Variants in ROCK2 observed in about 807,000 individuals in gnomAD.
The protein encoded by ROCK2 is rho-associated protein kinase 2.
ROCK2 carries 61 observed loss-of-function variants against 195.1 expected under a neutral mutation model. That is an observed-to-expected ratio of 0.31 (90% CI 0.25 to 0.39). The LOEUF is 0.39. Ranked by LOEUF, ROCK2 falls within the 10% of genes least tolerant of loss-of-function variation. The pLI is 1.00. For synonymous variants in ROCK2, 504 were observed against 545.5 expected, an observed-to-expected ratio of 0.92 and a Z score of 1.06; for missense variants, 1,109 against 1,637.4, an observed-to-expected ratio of 0.68 and a Z score of 5.57.
At chr2:11,216,010 T>C in intron 13 of ROCK2, 148 bp downstream of exon 13, 1 of 650,522 alleles carries the variant, frequency 1.5e-6, no homozygotes, top group African/African-American at 1.8e-5. Flanking sequence ...TATAACATGA[T>C]TTCCCTATAA....
chr2:11,297,619 A>G (rs1333338136), intron 1 of ROCK2, among the ~76,000 whole-genome samples: 1 of 152,144 alleles, frequency 6.6e-6, no homozygotes, highest in African/African-American at 2.4e-5. Context: ...GAGAAAAACT[A>G]ACTTTTTTTT....
At chr2:11,214,779 A>G in intron 16 of ROCK2, 61 bp downstream of exon 16, 5 of 1,461,780 alleles carry the variant, frequency 3.4e-6, no homozygotes, top group African/African-American at 1.4e-5. Flanking sequence ...TCCATCATCT[A>G]AAGTTATTTT....
At chr2:11,306,951 C>T (rs1667877007) in intron 1 of ROCK2, among the ~76,000 whole-genome samples, 1 of 152,066 alleles carries the variant, frequency 6.6e-6, no homozygotes, top group South Asian at 2.1e-4. Context: ...AGCAGGTTTT[C>T]TTGGGGGAAA....
chr2:11,239,648 G>T (rs1036975243), intron 4 of ROCK2, among the ~76,000 whole-genome samples: 1 of 152,196 alleles, frequency 6.6e-6, no homozygotes, highest in Admixed American at 6.5e-5. Context: ...ACCGGTAAAT[G>T]AGCAAATAAC....
chr2:11,224,167 C>A (rs1161673911), intron 7 of ROCK2, among the ~76,000 whole-genome samples, 155 bp downstream of exon 7: 1 of 152,146 alleles, frequency 6.6e-6, no homozygotes, highest in Admixed American at 6.6e-5. Context: ...TAGCCCAACA[C>A]CAGGCTTAGC....
chr2:11,251,992 C>A (rs1353908527), intron 3 of ROCK2, among the ~76,000 whole-genome samples: 1 of 152,044 alleles, frequency 6.6e-6, no homozygotes, highest in African/African-American at 2.4e-5. Context: ...GAATGGCAAT[C>A]ATTAAAAAGT....
chr2:11,224,258 A>G (rs2148079724), intron 7 of ROCK2, 64 bp downstream of exon 7: 1 of 1,425,722 alleles, frequency 7.0e-7, no homozygotes, highest in African/African-American at 1.4e-5. Context: ...TAAGCTAGGC[A>G]TGCTTTTATT....
chr2:11,328,943 G>A (rs1383790962), intron 1 of ROCK2, among the ~76,000 whole-genome samples: 3 of 151,110 alleles, frequency 2.0e-5, no homozygotes, highest in Non-Finnish European at 4.4e-5. Flanking sequence ...GGGAGGGATA[G>A]CATTAGGAGA....
chr2:11,241,042 A>T (rs1665410023), intron 4 of ROCK2, among the ~76,000 whole-genome samples: 1 of 152,226 alleles, frequency 6.6e-6, no homozygotes, highest in Non-Finnish European at 1.5e-5. Flanking sequence ...TTTTATTTAT[A>T]AGAGAGAAAA....
chr2:11,313,210 G>C (rs1668090403), intron 1 of ROCK2, among the ~76,000 whole-genome samples: 1 of 152,034 alleles, frequency 6.6e-6, no homozygotes, highest in African/African-American at 2.4e-5. Flanking sequence ...TAACAGAAAC[G>C]GAAGGGGATG....
At chr2:11,330,468 A>G (rs1383074967) in intron 1 of ROCK2, among the ~76,000 whole-genome samples, 1 of 152,190 alleles carries the variant, frequency 6.6e-6, no homozygotes, top group Non-Finnish European at 1.5e-5. Context: ...TTTAATATAC[A>G]AAATACTTTT....
intron 1 of ROCK2, among the ~76,000 whole-genome samples, chr2:11,292,894 G>A (rs1667403840): frequency 6.6e-6 from 1 of 152,180 alleles, no homozygotes; most frequent in Non-Finnish European, 1.5e-5. Context: ...ATGATAGTGA[G>A]TGAGTACTCA....
At chr2:11,316,991 C>T (rs1668212371) in intron 1 of ROCK2, among the ~76,000 whole-genome samples, 1 of 152,106 alleles carries the variant, frequency 6.6e-6, no homozygotes, top group Non-Finnish European at 1.5e-5. Context: ...GATACCAGCA[C>T]AGTTAAGAAG....
chr2:11,265,505 C>T (rs1666382087), intron 3 of ROCK2, among the ~76,000 whole-genome samples: 1 of 152,012 alleles, frequency 6.6e-6, no homozygotes, highest in Non-Finnish European at 1.5e-5. Context: ...AATATAAATA[C>T]CCACTGAAAA....
intron 4 of ROCK2, among the ~76,000 whole-genome samples, chr2:11,245,521 A>G (rs1572297094): frequency 1.3e-5 from 2 of 152,196 alleles, no homozygotes; most frequent in African/African-American, 4.8e-5. Flanking sequence ...TAACAAAGCA[A>G]TCTGGTGCTA....
intron 3 of ROCK2, among the ~76,000 whole-genome samples, chr2:11,280,623 T>C (rs1341088442): frequency 2.0e-5 from 3 of 152,032 alleles, no homozygotes; most frequent in Admixed American, 2.0e-4. Flanking sequence ...GAGCAAGAAC[T>C]TGTCTCAGTG....
intron 3 of ROCK2, among the ~76,000 whole-genome samples, chr2:11,252,175 C>G (rs943035293): frequency 1.1e-4 from 16 of 152,108 alleles, no homozygotes; most frequent in African/African-American, 3.9e-4. Context: ...CTTTGGGAGG[C>G]TGAGGTGGGT....
At chr2:11,244,472 G>T (rs1163851168) in intron 4 of ROCK2, among the ~76,000 whole-genome samples, 1 of 152,108 alleles carries the variant, frequency 6.6e-6, no homozygotes, top group African/African-American at 2.4e-5. Flanking sequence ...ATGGAAAAAT[G>T]TATCATTAGG....
At chr2:11,310,208 G>GT (rs996002411) in intron 1 of ROCK2, among the ~76,000 whole-genome samples, 9 of 152,184 alleles carry the variant, frequency 5.9e-5, no homozygotes, top group East Asian at 3.9e-4. Flanking sequence ...AGTTTGGTGA[G>GT]TTTTTTTAAG....
Sources: gnomAD v4.1 joint callset for allele counts (sites outside exome capture counted in the v4.1 genomes callset) on GRCh38, gnomAD v4.1.1 for gene constraint, MANE v1.5 for transcripts, NCBI Gene and HGNC (gene_info 2026-07-23, HGNC 2026-07-21) for gene names.